Variants in CPLANE1 observed in about 807,000 individuals in gnomAD.
The protein encoded by CPLANE1 is ciliogenesis and planar polarity effector 1.
Under a neutral mutation model 362.5 loss-of-function variants are expected in CPLANE1, and 263 were observed. The observed-to-expected ratio is 0.73, with a 90% CI of 0.66 to 0.80. The LOEUF (loss-of-function observed/expected upper bound fraction) is 0.80. CPLANE1 is among the 30% of genes least tolerant of loss of function. CPLANE1 has a pLI of 0.00. For missense variants in CPLANE1, 3,461 were observed against 3,793.4 expected, an observed-to-expected ratio of 0.91 and a Z score of 2.30; for synonymous variants, 1,212 against 1,302.6, an observed-to-expected ratio of 0.93 and a Z score of 1.50.
chr5:37,226,475 G>C lies in CPLANE1; in HGVS notation c.2120C>G (p.Pro707Arg). ...ATCAGCTGATGCTGAAATAACTTCAGGTTGAAGAATGTATACACCATTTAA... is the reference window on the plus strand; with the variant it reads ...ATCAGCTGATGCTGAAATAACTTCACGTTGAAGAATGTATACACCATTTAA... Reference protein sequence around the residue: ...DNLNGVYILQPEVISASADGS... With the variant: ...DNLNGVYILQREVISASADGS... The change falls in exon 12 of 53, where the codon CCT becomes CGT. Residue 707 changes from proline (P) to arginine (R), a missense_variant. By Grantham distance (103) the Pro-to-Arg change is moderately radical. Around this residue, in one of 2 missense-constraint regions of CPLANE1, gnomAD observed 3,380 missense variants for 3,666.1 expected, o/e 0.92. Coordinates refer to ENST00000651892, the MANE Select transcript of CPLANE1 (RefSeq NM_001384732.1). 6.4e-7 allele frequency: 1 copy of C among 1,550,856 alleles called. No homozygotes were observed. Among genetic ancestry groups the C allele is most frequent in the Non-Finnish European group, 8.7e-7 (1 of 1,146,714 alleles).
intron 5 of CPLANE1, among the ~76,000 whole-genome samples, chr5:37,243,550 C>T (rs902398745): frequency 1.3e-5 from 2 of 151,134 alleles, no homozygotes; most frequent in Non-Finnish European, 2.9e-5. Context: ...ATTTTAAATA[C>T]GTTTTGGTTT....
intron 21 of CPLANE1, among the ~76,000 whole-genome samples, chr5:37,195,081 G>C (rs1248915319): frequency 6.6e-6 from 1 of 151,546 alleles, no homozygotes; most frequent in Non-Finnish European, 1.5e-5. Flanking sequence ...CGGGAACCCA[G>C]GAGGCAGAGC....
At chr5:37,202,566 C>T (rs1016189397) in intron 18 of CPLANE1, among the ~76,000 whole-genome samples, 2 of 152,102 alleles carry the variant, frequency 1.3e-5, no homozygotes, top group Admixed American at 1.3e-4. Flanking sequence ...ACGGCTTCAA[C>T]TATGCAAATA....
At chr5:37,102,279 G>A (rs538089920), downstream of CPLANE1, among the ~76,000 whole-genome samples, 81 of 151,940 alleles carry the variant, frequency 5.3e-4, no homozygotes, top group African/African-American at 1.8e-3. Context: ...CCTCCATCTC[G>A]CAGGTTCAAG....
At chr5:37,195,304 TAAGA>T (rs1787031570) in intron 21 of CPLANE1, among the ~76,000 whole-genome samples, 1 of 151,938 alleles carries the variant, frequency 6.6e-6, no homozygotes, top group East Asian at 1.9e-4. Flanking sequence ...GACCACGAAT[TAAGA>T]AATTAATTTA....
Position 37,169,208 on chromosome 5 carries a change from T to C in CPLANE1, c.6816A>G (p.Pro2272=). ...GLSDSFQPAL[P]QRAAQTTPAS... Reference sequence around the variant, plus strand: ...CTGGAGTAGTTTGTGCTGCTCTCTGTGGCAGAGCAGGTTGGAAGGAGTCAG... The same window carrying C: ...CTGGAGTAGTTTGTGCTGCTCTCTGCGGCAGAGCAGGTTGGAAGGAGTCAG... Residue 2272 remains proline, a synonymous_variant, in exon 34 of 53, where the codon CCA becomes CCG. Coordinates refer to ENST00000651892, the MANE Select transcript of CPLANE1 (RefSeq NM_001384732.1). 1.2e-6 allele frequency: 2 copies of C among 1,614,194 alleles called. No homozygotes were observed.
At position 37,201,752 on chromosome 5, in the gene CPLANE1, T is replaced by G; in HGVS notation, c.3346A>C (p.Lys1116Gln). Residue 1116 changes from lysine (K) to glutamine (Q), a missense_variant, in exon 19 of 53, where the codon AAA becomes CAA. Lys to Gln is a moderately conservative substitution (Grantham distance 53). Transcript: ENST00000651892. ...TCTGCATCGGCCATAACTGATGCTTTCAGTACTTCTTGTACTGAACCAAAT... is the reference window on the plus strand; with the variant it reads ...TCTGCATCGGCCATAACTGATGCTTGCAGTACTTCTTGTACTGAACCAAAT... ...LLFGSVQEVL[K>Q]ASVMADADIL... 1 of 1,614,098 alleles carries G rather than the reference T, an allele frequency of 6.2e-7. No individual in the cohort carries two copies. Among genetic ancestry groups the G allele is most frequent in the Non-Finnish European group, 8.5e-7 (1 of 1,179,960 alleles).
chr5:37,158,371 G>A (rs1483259668), intron 38 of CPLANE1, 26 bp from the exon 39 acceptor site: 2 of 1,593,870 alleles, frequency 1.3e-6, no homozygotes, highest in Non-Finnish European at 8.6e-7. Flanking sequence ...GAAATAATCA[G>A]GAACATTCAA....
chr5:37,200,989 A>G (rs1789014780), intron 19 of CPLANE1, among the ~76,000 whole-genome samples: 1 of 152,052 alleles, frequency 6.6e-6, no homozygotes, highest in Non-Finnish European at 1.5e-5. Context: ...ATGCCCAGCT[A>G]ATTTTTGTAT....
the CPLANE1 span, among the ~76,000 whole-genome samples, chr5:37,100,003 G>A: frequency 6.6e-6 from 1 of 152,114 alleles, no homozygotes; most frequent in Non-Finnish European, 1.5e-5. Flanking sequence ...GTAGACTCTG[G>A]ATATTAGACC....
intron 51 of CPLANE1, among the ~76,000 whole-genome samples, chr5:37,111,857 A>G (rs1759445308): frequency 6.6e-6 from 1 of 152,182 alleles, no homozygotes; most frequent in Admixed American, 6.5e-5. Context: ...ATCTACGAGC[A>G]GATGACAGGA....
intron 46 of CPLANE1, among the ~76,000 whole-genome samples, chr5:37,137,923 T>TG (rs1768266268): frequency 6.6e-6 from 1 of 152,074 alleles, no homozygotes; most frequent in African/African-American, 2.4e-5. Flanking sequence ...AGGGTTGTTT[T>TG]TTTTTTTTTA....
rs1782309954 is a variant in CPLANE1, at chr5:37,180,260, G to GGT, written c.5571-78_5571-77insAC. 16 of 667,460 alleles carry GGT rather than the reference G, an allele frequency of 2.4e-5. No individual in the cohort carries two copies. The African/African-American group carries it at 3.0e-4, about 12-fold the overall frequency. The allele number at this position is 667,460 out of a possible 1,614,324, so 41.3% of individuals were successfully genotyped here. A position where few individuals can be genotyped will look rare whatever the true frequency, so the allele number is the denominator to read the frequency against. On this transcript the variant is annotated intron_variant, in intron 27 of 52. Transcript: ENST00000651892. ...TAATTCAGTTTTGGGTTTTTTTTTTGTTTTTTTTTTTAAGATGGAGTCTCG... is the reference window on the plus strand; with the variant it reads ...TAATTCAGTTTTGGGTTTTTTTTTTGGTTTTTTTTTTTTAAGATGGAGTCTCG...
At chr5:37,167,288 G>GA (rs147345769) in intron 34 of CPLANE1, 75 bp from the exon 35 acceptor site, 2 of 1,143,846 alleles carry the variant, frequency 1.7e-6, no homozygotes, top group Non-Finnish European at 2.5e-6. Flanking sequence ...AAAGACTGAG[G>GA]AAAAATACAT....
At chr5:37,116,025 G>A (rs1160407663) in intron 50 of CPLANE1, among the ~76,000 whole-genome samples, 1 of 151,772 alleles carries the variant, frequency 6.6e-6, no homozygotes, top group African/African-American at 2.4e-5. Context: ...GGTGGCTTAC[G>A]CCTGTAATTC....
chr5:37,247,868 G>A (rs1349278925), intron 1 of CPLANE1, 123 bp from the exon 2 acceptor site: 15 of 602,960 alleles, frequency 2.5e-5, no homozygotes, highest in South Asian at 2.5e-4. Flanking sequence ...TATGATCTCA[G>A]CTCACTGCAA....
intron 38 of CPLANE1, among the ~76,000 whole-genome samples, chr5:37,161,482 T>C (rs1776838418): frequency 6.6e-6 from 1 of 152,202 alleles, no homozygotes; most frequent in African/African-American, 2.4e-5. Context: ...ACTGAACACA[T>C]TAGAGATGAA....
chr5:37,247,936 T>C lies in CPLANE1; in HGVS notation c.-47-191A>G, dbSNP rs1740331793. Reference sequence around the variant, plus strand: ...CGTTAGCCTCCCGAGTAGCTGGGACTACAAGCGTGTGCCACCACGCCTGGC... The same window carrying C: ...CGTTAGCCTCCCGAGTAGCTGGGACCACAAGCGTGTGCCACCACGCCTGGC... On this transcript the variant is annotated intron_variant, in intron 1 of 52. Coordinates refer to ENST00000651892, the MANE Select transcript of CPLANE1 (RefSeq NM_001384732.1). 3 of 353,010 alleles carry C rather than the reference T, an allele frequency of 8.5e-6. No homozygotes were observed. The Admixed American group carries it at 1.3e-4, about 16-fold the overall frequency. The allele number at this position is 353,010 out of a possible 1,614,324, so 21.9% of individuals were successfully genotyped here. A position where few individuals can be genotyped will look rare whatever the true frequency, so the allele number is the denominator to read the frequency against.
rs1174835605 is a variant in CPLANE1, at chr5:37,187,452, T to C, written c.4042A>G (p.Ile1348Val). 1.2e-6 allele frequency: 2 copies of C among 1,613,520 alleles called. No individual in the cohort carries two copies. Among genetic ancestry groups the C allele is most frequent in the African/African-American group, 2.7e-5 (2 of 74,906 alleles). ...GGCAGTTCTCCAATAAGGCTCAAAATTATATCCTGAATAAGTTCTTCCATA... is the reference window on the plus strand; with the variant it reads ...GGCAGTTCTCCAATAAGGCTCAAAACTATATCCTGAATAAGTTCTTCCATA... ...FNMEELIQDI[I>V]LSLIGELPPI... is the part of the protein sequence containing the mutation. The change falls in exon 23 of 53, where the codon ATT becomes GTT. Residue 1348 changes from isoleucine (I) to valine (V), a missense_variant. By Grantham distance (29) the Ile-to-Val change is conservative. This residue lies in a region of CPLANE1 where 3,380 missense variants were observed against 3,666.1 expected (regional missense o/e 0.92). Coordinates refer to ENST00000651892, the MANE Select transcript of CPLANE1 (RefSeq NM_001384732.1).
Sources: allele counts gnomAD v4.1 joint callset (sites outside exome capture counted in the v4.1 genomes callset), GRCh38; gene constraint gnomAD v4.1.1; regional missense constraint gnomAD v4.1.1; transcripts MANE v1.5; gene names NCBI Gene and HGNC (gene_info 2026-07-23, HGNC 2026-07-21).